ZNF236: variants seen among roughly 807,000 people sequenced by gnomAD.
The protein encoded by ZNF236 is zinc finger protein 236, also known as regulated by glucose.
ZNF236 carries 50 observed loss-of-function variants against 191.2 expected under a neutral mutation model. The ratio of observed to expected loss-of-function variants is 0.26; its 90% confidence interval spans 0.21 to 0.33. ZNF236 has a LOEUF of 0.33. Ranked by LOEUF, ZNF236 falls within the 10% of genes least tolerant of loss-of-function variation. ZNF236 has a pLI of 1.00. For synonymous variants in ZNF236, 907 were observed against 928.8 expected, an observed-to-expected ratio of 0.98 and a Z score of 0.43; for missense variants, 1,754 against 2,374.5, an observed-to-expected ratio of 0.74 and a Z score of 5.43.
intron 9 of ZNF236, among the ~76,000 whole-genome samples, chr18:76,882,740 C>G (rs72983381): frequency 0.011 from 1,706 of 152,260 alleles, 21 homozygotes; most frequent in Non-Finnish European, 0.014. Context: ...TTCTTCTCCC[C>G]AAGGAAAGAC....
intron 30 of ZNF236, among the ~76,000 whole-genome samples, chr18:76,967,110 T>G (rs112292193): frequency 3.0e-5 from 1 of 33,556 alleles, no homozygotes; most frequent in African/African-American, 1.5e-4. Flanking sequence ...TGAGATGTGT[T>G]ATTTGGTTGT....
At chr18:76,826,887 A>T (rs1431389824) in intron 1 of ZNF236, among the ~76,000 whole-genome samples, 2 of 150,862 alleles carry the variant, frequency 1.3e-5, no homozygotes, top group South Asian at 2.1e-4. Context: ...TTCAACAACT[A>T]TTTTTTTGTT....
intron 12 of ZNF236, among the ~76,000 whole-genome samples, chr18:76,904,803 T>C (rs1179705859): frequency 6.6e-6 from 1 of 152,242 alleles, no homozygotes. Context: ...TAGACTTCCT[T>C]TTGTGTTTTT....
chr18:76,963,737 A>G (rs1968713103), intron 30 of ZNF236, among the ~76,000 whole-genome samples: 1 of 152,132 alleles, frequency 6.6e-6, no homozygotes, highest in African/African-American at 2.4e-5. Context: ...TTAAATTACT[A>G]TTTCAATCTT....
At chr18:76,955,298 C>G (rs942745965) in intron 27 of ZNF236, among the ~76,000 whole-genome samples, 1 of 151,912 alleles carries the variant, frequency 6.6e-6, no homozygotes, top group Non-Finnish European at 1.5e-5. Flanking sequence ...TACCTGTGGA[C>G]GCAGGCGTGC....
chr18:76,873,936 C>G (rs1976647048), intron 5 of ZNF236, among the ~76,000 whole-genome samples: 1 of 151,180 alleles, frequency 6.6e-6, no homozygotes, highest in East Asian at 2.0e-4. Context: ...GCCACACTCT[C>G]ACTGTGCCTC....
chr18:76,825,334 T>C (rs1038420239), intron 1 of ZNF236, among the ~76,000 whole-genome samples: 2 of 152,238 alleles, frequency 1.3e-5, no homozygotes, highest in African/African-American at 4.8e-5. Flanking sequence ...TTCAGGCTTC[T>C]GTAAGGTAAA....
intron 1 of ZNF236, among the ~76,000 whole-genome samples, chr18:76,831,588 T>A (rs1975169409): frequency 6.6e-6 from 1 of 152,190 alleles, no homozygotes; most frequent in Non-Finnish European, 1.5e-5. Context: ...GGGAAAACTA[T>A]GTTTAGTTTT....
intron 26 of ZNF236, 70 bp downstream of exon 26, chr18:76,937,413 C>T: frequency 7.4e-7 from 1 of 1,347,640 alleles, no homozygotes; most frequent in Non-Finnish European, 9.8e-7. Context: ...TATTCATTGA[C>T]TCCTTCCTAA....
At chr18:76,905,468 T>C in intron 13 of ZNF236, 53 bp downstream of exon 13, 1 of 1,568,404 alleles carries the variant, frequency 6.4e-7, no homozygotes, top group East Asian at 2.3e-5. Flanking sequence ...TTCCAGTAGA[T>C]GGTGGGGAGT....
chr18:76,889,076 G>A (rs1160450297), intron 9 of ZNF236, among the ~76,000 whole-genome samples: 1 of 152,142 alleles, frequency 6.6e-6, no homozygotes, highest in Non-Finnish European at 1.5e-5. Flanking sequence ...GTCCCACCAG[G>A]CATCCTGTAC....
intron 30 of ZNF236, among the ~76,000 whole-genome samples, chr18:76,961,367 TTGTGTGTGTGTGTGTG>T (rs58383689): frequency 6.8e-5 from 10 of 146,944 alleles, no homozygotes; most frequent in South Asian, 2.2e-4. Flanking sequence ...TAGTATTCCA[TTGTGTGTGTGTGTGTG>T]TGTGTGTGTG....
chr18:76,930,963 A>G (rs1053667131), intron 25 of ZNF236: 2 of 152,346 alleles, frequency 1.3e-5, no homozygotes, highest in African/African-American at 4.8e-5. Flanking sequence ...ATTGTACTGA[A>G]ATGACAATGA....
intron 30 of ZNF236, among the ~76,000 whole-genome samples, chr18:76,967,405 G>A: frequency 6.6e-6 from 1 of 152,068 alleles, no homozygotes; most frequent in Admixed American, 6.5e-5. Flanking sequence ...GGTTGTTGGA[G>A]GTGGTGTGAT....
chr18:76,903,437 A>G (rs1285556744), intron 11 of ZNF236, among the ~76,000 whole-genome samples: 1 of 152,186 alleles, frequency 6.6e-6, no homozygotes, highest in Non-Finnish European at 1.5e-5. Context: ...ATTGAAACGG[A>G]ATCTGTATTT....
chr18:76,956,083 G>T lies in ZNF236; in HGVS notation c.5013G>T (p.Ala1671=), dbSNP rs377435648. Residue 1671 remains alanine, a synonymous_variant, in exon 28 of 31, where the codon GCG becomes GCT. Coordinates refer to ENST00000320610, the MANE Select transcript of ZNF236 (RefSeq NM_001306089.2). ...AGTGTGACCGCGCCTTCTCATCGGC[G>T]GCGGTGCTCATGCACCACAGCAAGG... The part of the protein sequence containing the change: ...CLECDRAFSS[A]AVLMHHSKEV... 12 of 1,596,204 alleles carry T rather than the reference G, an allele frequency of 7.5e-6. No individual in the cohort carries two copies. Among genetic ancestry groups the T allele is most frequent in the South Asian group, 3.4e-5 (3 of 88,446 alleles).
At chr18:76,921,669 C>T (rs1363394570) in intron 20 of ZNF236, among the ~76,000 whole-genome samples, 1 of 151,138 alleles carries the variant, frequency 6.6e-6, no homozygotes, top group African/African-American at 2.4e-5. Flanking sequence ...CAAAATGCTA[C>T]CAAGGCGACA....
At chr18:76,955,422 A>C (rs990822196) in intron 27 of ZNF236, among the ~76,000 whole-genome samples, 1 of 152,088 alleles carries the variant, frequency 6.6e-6, no homozygotes, top group African/African-American at 2.4e-5. Flanking sequence ...ATCTCAAAAA[A>C]TTTTTTCAAA....
rs1337558733 is a variant in ZNF236 at position 76,908,512 on chromosome 18, G to A, written c.2490G>A (p.Val830=). 2.2e-5 allele frequency: 35 copies of A among 1,613,710 alleles called. No homozygotes were observed. The highest frequency in any genetic ancestry group is 2.7e-5 in the Non-Finnish European group (32 of 1,179,994). The change falls in exon 14 of 31, where the codon GTG becomes GTA. Residue 830 remains valine (V), a synonymous_variant. Coordinates refer to ENST00000320610, the MANE Select transcript of ZNF236 (RefSeq NM_001306089.2). ...TGGACCTGGAGCCTCAGCATGTGGT[G>A]GGCACGGAGGAAGCAGGGCTGGGCC... The part of the protein sequence containing the change: ...AMLDLEPQHV[V]GTEEAGLGQQ...
Sources: gnomAD v4.1 joint callset for allele counts (sites outside exome capture counted in the v4.1 genomes callset) on GRCh38, gnomAD v4.1.1 for gene constraint, MANE v1.5 for transcripts, NCBI Gene and HGNC (gene_info 2026-07-23, HGNC 2026-07-21) for gene names.